The following ZNF106 variants were observed in gnomAD, a reference collection of about 807,000 sequenced individuals.
The protein encoded by ZNF106 is SH3-domain binding protein 3.
ZNF106 carries 67 observed loss-of-function variants against 195.1 expected under a neutral mutation model. The ratio of observed to expected loss-of-function variants is 0.34; its 90% CI spans 0.28 to 0.42. ZNF106 has a LOEUF of 0.42. Among genes scored for constraint, ZNF106 ranks in the 10% least tolerant of loss-of-function variants. The pLI, the probability that ZNF106 is intolerant of heterozygous loss-of-function variation, is 1.00. For synonymous variants in ZNF106, 784 were observed against 818.6 expected (o/e 0.96, Z 0.72); for missense variants, 2,118 against 2,304.5 (o/e 0.92, Z 1.66).
intron 14 of ZNF106, among the ~76,000 whole-genome samples, chr15:42,428,968 T>C (rs1162098773): frequency 6.6e-6 from 1 of 151,342 alleles, no homozygotes; most frequent in African/African-American, 2.4e-5. Context: ...GGTTTCATCG[T>C]ATTAGCCAGG....
intron 13 of ZNF106, among the ~76,000 whole-genome samples, chr15:42,436,924 A>G (rs1316376702): frequency 6.6e-6 from 1 of 152,208 alleles, no homozygotes; most frequent in African/African-American, 2.4e-5. Context: ...AGGGAGTAAA[A>G]CACAGGACCC....
At chr15:42,458,567 G>A (rs2056304459) in intron 3 of ZNF106, among the ~76,000 whole-genome samples, 1 of 152,004 alleles carries the variant, frequency 6.6e-6, no homozygotes, top group Non-Finnish European at 1.5e-5. Flanking sequence ...AATTAGCCTG[G>A]TGTGGTGGTG....
chr15:42,418,779 G>A (rs1328765357), intron 20 of ZNF106, among the ~76,000 whole-genome samples: 2 of 152,040 alleles, frequency 1.3e-5, no homozygotes, highest in East Asian at 1.9e-4. Flanking sequence ...ATTTATTGTA[G>A]AATACTGTGT....
rs1381668139 is a variant in ZNF106, at chr15:42,448,187, G to A, written c.3020C>T (p.Ala1007Val). 6.2e-7 allele frequency: 1 copy of A among 1,614,072 alleles called. No individual in the cohort carries two copies. Among genetic ancestry groups the A allele is most frequent in the East Asian group, 2.2e-5 (1 of 44,898 alleles). Reference protein sequence around the residue: ...NGEGNCLSSSASSALAISSLA... With the variant: ...NGEGNCLSSSVSSALAISSLA... Reference sequence around the variant, plus strand: ...ACTGGAGATCGCAAGGGCTGAGGATGCGCTTGATGACAGACAGTTTCCCTC... The same window carrying A: ...ACTGGAGATCGCAAGGGCTGAGGATACGCTTGATGACAGACAGTTTCCCTC... Residue 1007 changes from alanine to valine, a missense_variant, in exon 6 of 22, where the codon GCA becomes GTA. By Grantham distance (64) the Ala-to-Val change is moderately conservative (BLOSUM62 0). Transcript: ENST00000564754.
chr15:42,471,516 T>C (rs1001413533), intron 2 of ZNF106, among the ~76,000 whole-genome samples: 3 of 152,066 alleles, frequency 2.0e-5, no homozygotes, highest in African/African-American at 7.2e-5. Flanking sequence ...GAAAAACCTG[T>C]GGTCAGGAGT....
chr15:42,462,080 T>C lies in ZNF106; in HGVS notation c.116+3973A>G, dbSNP rs143336240. ...ACTAAAGGCTATCCTCTAAAGAAAA[T>C]GAGTTTGGGTGCGAAACCTGACATT... On this transcript the variant is annotated intron_variant, in intron 3 of 21. Transcript: ENST00000564754. Among the ~76,000 whole-genome samples, 494 of 152,186 alleles carry C rather than the reference T, an allele frequency of 3.2e-3. 5 individuals carry two copies. Among genetic ancestry groups the C allele is most frequent in the African/African-American group, 0.011 (471 of 41,488 alleles).
Position 42,450,880 on chromosome 15 carries a change from C to G in ZNF106, c.1392G>C (p.Glu464Asp). 1.2e-6 allele frequency: 2 copies of G among 1,614,156 alleles called. No individual in the cohort carries two copies. The highest frequency in any genetic ancestry group is 8.5e-7 in the Non-Finnish European group (1 of 1,180,022). ...QCPTAEKPEQ[E>D]HTPNKMPSLK... is the part of the protein sequence containing the mutation. ...ATGATGGCATTTTATTTGGTGTATG[C>G]TCTTGTTCAGGTTTTTCTGCAGTGG... The change falls in exon 5 of 22, where the codon GAG becomes GAC. Residue 464 changes from glutamate (E) to aspartate (D), a missense_variant. Glu to Asp is a conservative substitution (Grantham distance 45, BLOSUM62 2). Coordinates refer to ENST00000564754, the MANE Select transcript of ZNF106 (RefSeq NM_001366845.3).
intron 20 of ZNF106, among the ~76,000 whole-genome samples, chr15:42,418,887 A>G (rs1218246564): frequency 6.6e-6 from 1 of 151,868 alleles, no homozygotes; most frequent in African/African-American, 2.4e-5. Flanking sequence ...TTACTTATAA[A>G]CGTGGCTTAA....
In ZNF106 at chr15:42,415,601, A is replaced by G. The variant is rs1353510418; in HGVS notation, c.*1703T>C. 1.7e-5 allele frequency: 7 copies of G among 411,816 alleles called. No homozygotes were observed. The highest frequency in any genetic ancestry group is 1.6e-4 in the Admixed American group (6 of 36,968). The allele number at this position is 411,816 out of a possible 1,614,324, so 25.5% of individuals were successfully genotyped here. ...CCGATAGCCTGAGGGAAGACATGTG[A>G]GTGGATATATGTGCACTAACAGGGG... On this transcript the variant is annotated 3_prime_UTR_variant, in exon 22 of 22. Coordinates refer to ENST00000564754, the MANE Select transcript of ZNF106 (RefSeq NM_001366845.3).
rs1322441388 is a variant in ZNF106, at chr15:42,452,681, C to CTTT, written c.318-730_318-728dup. Among the ~76,000 whole-genome samples, 226 of 101,886 alleles carry CTTT rather than the reference C, an allele frequency of 2.2e-3. 2 individuals carry two copies. The highest frequency in any genetic ancestry group is 4.8e-3 in the African/African-American group (117 of 24,378). The allele number at this position is 101,886 out of a possible 152,430, so 66.8% of individuals were successfully genotyped here. A position where few individuals can be genotyped will look rare whatever the true frequency, so the allele number is the denominator to read the frequency against. The stretch of plus-strand genomic sequence containing the variant: ...AAGTATATTTTATAGCTATAGTTAT[C>CTTT]TTTTTTTTTTTTTTTTTTTTTTGAG... On this transcript the variant is annotated intron_variant, in intron 4 of 21. Transcript: ENST00000564754.
intron 9 of ZNF106, among the ~76,000 whole-genome samples, chr15:42,443,517 T>G (rs188350361): frequency 1.1e-4 from 16 of 152,050 alleles, no homozygotes; most frequent in Admixed American, 9.8e-4. Flanking sequence ...ATATAACTTT[T>G]TATAACCTTT....
chr15:42,482,535 T>TG (rs1259738821), intron 1 of ZNF106, among the ~76,000 whole-genome samples: 1 of 139,906 alleles, frequency 7.1e-6, no homozygotes, highest in South Asian at 2.4e-4. Flanking sequence ...TTTTTTTTTT[T>TG]TTTTTTTTTT....
At chr15:42,484,137 T>TCAGC (rs909193183) in intron 1 of ZNF106, among the ~76,000 whole-genome samples, 57 of 152,350 alleles carry the variant, frequency 3.7e-4, no homozygotes, top group African/African-American at 1.3e-3. Flanking sequence ...AGTGTTCTGA[T>TCAGC]CAGCCAGCTT....
intron 14 of ZNF106, 112 bp downstream of exon 14, chr15:42,435,272 A>G (rs1186773454): frequency 2.3e-5 from 33 of 1,453,110 alleles, no homozygotes; most frequent in Non-Finnish European, 3.1e-5. Context: ...GTTTAGAAGC[A>G]AAAAGGAGAT....
chr15:42,480,563 T>C (rs562079889), intron 1 of ZNF106, among the ~76,000 whole-genome samples: 2 of 152,350 alleles, frequency 1.3e-5, no homozygotes, highest in South Asian at 2.1e-4. Context: ...CTTGTTTGGA[T>C]TATTCACTTT....
chr15:42,448,787 C>G (rs2055870356), intron 5 of ZNF106, 82 bp from the exon 6 acceptor site: 1 of 1,425,422 alleles, frequency 7.0e-7, no homozygotes, highest in Non-Finnish European at 9.3e-7. Flanking sequence ...GCCAGGCTCT[C>G]TCAAGCACTG....
At chr15:42,467,647 A>C (rs1333968093) in intron 2 of ZNF106, among the ~76,000 whole-genome samples, 1 of 151,978 alleles carries the variant, frequency 6.6e-6, no homozygotes, top group African/African-American at 2.4e-5. Flanking sequence ...ATCCAAAAAA[A>C]AAAACCAAAC....
intron 3 of ZNF106, among the ~76,000 whole-genome samples, chr15:42,463,135 C>T (rs528072113): frequency 7.9e-5 from 12 of 152,072 alleles, no homozygotes; most frequent in Admixed American, 5.2e-4. Flanking sequence ...TGATTAGTGA[C>T]GTCTGAAATA....
Position 42,478,506 on chromosome 15 carries a change from CTTTT to C in ZNF106, c.-32-6189_-32-6186del, listed in dbSNP as rs1259967996. Among the ~76,000 whole-genome samples the C allele has an allele frequency of 1.1e-4, 13 of 120,502 alleles. No individual in the cohort carries two copies. The South Asian group carries it at 1.5e-3, about 14-fold the overall frequency. The allele number at this position is 120,502 out of a possible 152,430, so 79.1% of individuals were successfully genotyped here. ...AAGCCATATTTTATTCAGATGTCCT[CTTTT>C]TCTTTTTTTTTTTTTTTTTTTTTGA... On this transcript the variant is annotated intron_variant, in intron 1 of 21. Transcript: ENST00000564754.
Sources: gnomAD v4.1 joint callset for allele counts (sites outside exome capture counted in the v4.1 genomes callset) on GRCh38, gnomAD v4.1.1 for gene constraint, MANE v1.5 for transcripts, NCBI Gene and HGNC (gene_info 2026-07-23, HGNC 2026-07-21) for gene names.